Variants in DCC observed in about 807,000 individuals in gnomAD.
DCC encodes the protein DCC netrin 1 receptor, also known as netrin receptor DCC.
In DCC, 58 loss-of-function variants were observed where a neutral mutation model predicts 172.5. That is an observed-to-expected ratio of 0.34 (90% CI 0.27 to 0.42). The LOEUF is 0.42. Among genes scored for constraint, DCC ranks in the 10% least tolerant of loss-of-function variants. The probability of loss-of-function intolerance (pLI) is 1.00; values close to 1 mark genes in which losing one functional copy is unlikely to be tolerated. For missense variants in DCC, 1,740 were observed against 1,791.0 expected (o/e 0.97, Z 0.51); for synonymous variants, 709 against 644.5 (o/e 1.10, Z -1.52).
chr18:52,555,184 G>A (rs2032881213), intron 1 of DCC, among the ~76,000 whole-genome samples: 1 of 152,178 alleles, frequency 6.6e-6, no homozygotes, highest in East Asian at 1.9e-4. Flanking sequence ...TTTTGACAAA[G>A]AAAACTCACA....
At position 52,970,391 on chromosome 18, in the gene DCC, C is replaced by G. The variant is rs191666241; in HGVS notation, c.985+45021C>G. Reference sequence around the variant, plus strand: ...TTTGATTTATGAGAAAGTGGAGAAGCCTATTTTCAGATGATATGTATTTTT... The same window carrying G: ...TTTGATTTATGAGAAAGTGGAGAAGGCTATTTTCAGATGATATGTATTTTT... On this transcript the variant is annotated intron_variant, in intron 5 of 28. Coordinates refer to ENST00000442544, the MANE Select transcript of DCC (RefSeq NM_005215.4). Among the ~76,000 whole-genome samples, 22 of 152,042 alleles carry G rather than the reference C, an allele frequency of 1.4e-4. No individual in the cohort carries two copies. In the East Asian group the frequency reaches 4.3e-3, roughly 29 times the overall value.
intron 1 of DCC, among the ~76,000 whole-genome samples, chr18:52,432,996 G>A (rs1987675625): frequency 6.6e-6 from 1 of 152,062 alleles, no homozygotes; most frequent in Non-Finnish European, 1.5e-5. Flanking sequence ...AAACAACAAA[G>A]AATCTGAAGA....
At chr18:52,549,968 A>G (rs191535333) in intron 1 of DCC, among the ~76,000 whole-genome samples, 1 of 152,084 alleles carries the variant, frequency 6.6e-6, no homozygotes, top group Admixed American at 6.6e-5. Flanking sequence ...TTAATTCCAA[A>G]GAGTAACCTA....
chr18:53,380,007 C>T (rs1907593773), intron 15 of DCC, among the ~76,000 whole-genome samples: 1 of 152,026 alleles, frequency 6.6e-6, no homozygotes, highest in Admixed American at 6.6e-5. Context: ...AATTTTTAAG[C>T]CTATATATTT....
At chr18:52,688,854 G>A (rs555461037) in intron 1 of DCC, among the ~76,000 whole-genome samples, 2 of 152,082 alleles carry the variant, frequency 1.3e-5, no homozygotes, top group South Asian at 2.1e-4. Context: ...AAAAAGATAT[G>A]GATATTTAAC....
intron 1 of DCC, among the ~76,000 whole-genome samples, chr18:52,521,335 G>A (rs2031807551): frequency 2.0e-5 from 3 of 152,102 alleles, no homozygotes. Flanking sequence ...ATAATTTTAA[G>A]GCTGTTTTAG....
chr18:53,492,068 A>G (rs993232138), intron 26 of DCC, among the ~76,000 whole-genome samples: 16 of 152,148 alleles, frequency 1.1e-4, no homozygotes, highest in Admixed American at 1.0e-3. Context: ...ACCAGTGATG[A>G]TGAGCATTTT....
intron 12 of DCC, among the ~76,000 whole-genome samples, chr18:53,253,484 C>G (rs941188297): frequency 1.3e-5 from 2 of 151,976 alleles, no homozygotes; most frequent in African/African-American, 4.8e-5. Context: ...TCTGAATGTC[C>G]TCTTAGGTTG....
In DCC at chr18:52,991,031, G is replaced by A. The variant is rs537188553; in HGVS notation, c.985+65661G>A. Among the ~76,000 whole-genome samples the A allele has an allele frequency of 3.9e-5, 6 of 152,176 alleles. No individual in the cohort carries two copies. In the South Asian group the frequency reaches 6.2e-4, roughly 16 times the overall value. On this transcript the variant is annotated intron_variant, in intron 5 of 28. Coordinates refer to ENST00000442544, the MANE Select transcript of DCC (RefSeq NM_005215.4). The stretch of plus-strand genomic sequence containing the variant: ...CCTAAGTTCATACAGCTAGTAAGCG[G>A]AGGAGACACAATTCAAGCCCAAGGA...
rs754399993 is a variant in DCC at position 52,356,328 on chromosome 18, T to A, written c.91+15450T>A. Among the ~76,000 whole-genome samples the A allele has an allele frequency of 4.7e-4, 71 of 152,188 alleles. 1 individual carries two copies. The highest frequency in any genetic ancestry group is 1.5e-4 in the Non-Finnish European group (10 of 68,014). Reference sequence around the variant, plus strand: ...GGAATAAGTCTGTGCTGGAAATTAATGTTTTCATCTTTTTTTTTCAGCCTT... The same window carrying A: ...GGAATAAGTCTGTGCTGGAAATTAAAGTTTTCATCTTTTTTTTTCAGCCTT... On this transcript the variant is annotated intron_variant, in intron 1 of 28. Transcript: ENST00000442544.
intron 21 of DCC, among the ~76,000 whole-genome samples, chr18:53,423,870 A>G (rs1182421840): frequency 1.3e-5 from 2 of 152,320 alleles, no homozygotes; most frequent in East Asian, 3.9e-4. Flanking sequence ...CATAACACAA[A>G]TGTTTGGGGA....
intron 2 of DCC, among the ~76,000 whole-genome samples, chr18:52,880,048 T>C: frequency 6.6e-6 from 1 of 152,280 alleles, no homozygotes; most frequent in East Asian, 1.9e-4. Flanking sequence ...TACATATTTT[T>C]AGTTATTTTT....
At chr18:52,355,879 G>C (rs1227038629) in intron 1 of DCC, among the ~76,000 whole-genome samples, 1 of 152,090 alleles carries the variant, frequency 6.6e-6, no homozygotes, top group Non-Finnish European at 1.5e-5. Context: ...CTGGTAGGTA[G>C]GGTAATTTGG....
At chr18:52,490,568 C>T (rs771471282) in intron 1 of DCC, among the ~76,000 whole-genome samples, 11 of 152,044 alleles carry the variant, frequency 7.2e-5, no homozygotes, top group Admixed American at 1.3e-4. Flanking sequence ...CTTGCTTCCC[C>T]GTGAAGGGCG....
chr18:53,331,797 AT>A (rs1399709848), intron 14 of DCC, among the ~76,000 whole-genome samples: 3 of 152,206 alleles, frequency 2.0e-5, no homozygotes, highest in Admixed American at 1.3e-4. Flanking sequence ...GTAATCTGGA[AT>A]TGGGATTCTG....
chr18:52,340,972 G>A, intron 1 of DCC, 94 bp downstream of exon 1: 5 of 990,240 alleles, frequency 5.0e-6, no homozygotes, highest in Admixed American at 1.7e-5. Context: ...TGGGGTGGGG[G>A]ATAGCAAGAG....
chr18:53,162,403 T>C (rs979928814), intron 8 of DCC, among the ~76,000 whole-genome samples: 1 of 152,258 alleles, frequency 6.6e-6, no homozygotes, highest in South Asian at 2.1e-4. Context: ...ACTATTGCAG[T>C]AATCTCCTAA....
intron 1 of DCC, among the ~76,000 whole-genome samples, chr18:52,736,509 G>A (rs568005691): frequency 1.3e-5 from 2 of 152,074 alleles, no homozygotes; most frequent in South Asian, 4.2e-4. Context: ...GTGCAAGAGC[G>A]AGGGCACATT....
intron 7 of DCC, among the ~76,000 whole-genome samples, chr18:53,101,222 G>A (rs1410094801): frequency 2.0e-5 from 3 of 152,090 alleles, no homozygotes; most frequent in South Asian, 2.1e-4. Flanking sequence ...GATGGATGGC[G>A]TGTCTGTCCT....
Sources: allele counts gnomAD v4.1 joint callset (sites outside exome capture counted in the v4.1 genomes callset), GRCh38; gene constraint gnomAD v4.1.1; transcripts MANE v1.5; gene names NCBI Gene and HGNC (gene_info 2026-07-23, HGNC 2026-07-21).